The following SLC38A1 variants were observed in gnomAD, a reference collection of about 807,000 sequenced individuals.
SLC38A1 encodes the protein sodium-coupled neutral amino acid symporter 1.
SLC38A1 carries 18 observed loss-of-function variants against 60.3 expected under a neutral mutation model. The ratio of observed to expected loss-of-function variants is 0.30; its 90% confidence interval spans 0.21 to 0.44. The LOEUF is 0.44. Among genes scored for constraint, SLC38A1 ranks in the 20% least tolerant of loss-of-function variants. The probability of loss-of-function intolerance (pLI) is 1.00; values close to 1 mark genes in which losing one functional copy is unlikely to be tolerated. For synonymous variants in SLC38A1, 196 were observed against 212.1 expected (o/e 0.92, Z 0.66); for missense variants, 448 against 587.2 (o/e 0.76, Z 2.45).
intron 3 of SLC38A1, among the ~76,000 whole-genome samples, chr12:46,229,987 T>G (rs1941010828): frequency 6.6e-6 from 1 of 152,298 alleles, no homozygotes; most frequent in South Asian, 2.1e-4. Flanking sequence ...CAGCTATACA[T>G]TTTGAATCAT....
chr12:46,230,404 T>A (rs949195256), intron 3 of SLC38A1, among the ~76,000 whole-genome samples: 4 of 152,180 alleles, frequency 2.6e-5, no homozygotes, highest in Non-Finnish European at 5.9e-5. Context: ...ACTTAGAACT[T>A]GAATTCAAAT....
intron 13 of SLC38A1, 41 bp from the exon 14 acceptor site, chr12:46,198,784 A>G (rs756298896): frequency 8.1e-7 from 1 of 1,240,452 alleles, no homozygotes; most frequent in Non-Finnish European, 1.2e-6. Context: ...AAAGGAGACA[A>G]AGTATATAGC....
rs1235566870 is a variant in SLC38A1, at chr12:46,198,709, C to T, written c.1038G>A (p.Gln346=). 1.2e-6 allele frequency: 2 copies of T among 1,612,916 alleles called. No individual in the cohort carries two copies. Among genetic ancestry groups the T allele is most frequent in the Non-Finnish European group, 1.7e-6 (2 of 1,179,532 alleles). Residue 346 remains glutamine, a synonymous_variant, in exon 14 of 17, where the codon CAG becomes CAA. Coordinates refer to ENST00000398637, the MANE Select transcript of SLC38A1 (RefSeq NM_030674.4). ...TCAGGATGAGAATGTCATCTTTACTCTGATATTTGTGAAGGAGGTCGGACT... is the reference window on the plus strand; with the variant it reads ...TCAGGATGAGAATGTCATCTTTACTTTGATATTTGTGAAGGAGGTCGGACT... ...NVQSDLLHKY[Q]SKDDILILTV...
At chr12:46,215,513 G>T (rs1940368151) in intron 5 of SLC38A1, among the ~76,000 whole-genome samples, 1 of 152,036 alleles carries the variant, frequency 6.6e-6, no homozygotes, top group Admixed American at 6.6e-5. Flanking sequence ...CCAGGTTCAA[G>T]TGATTCTCCT....
chr12:46,202,908 C>A (rs753392514), intron 12 of SLC38A1, 102 bp downstream of exon 12: 2 of 748,750 alleles, frequency 2.7e-6, no homozygotes, highest in South Asian at 1.8e-5. Context: ...GTGATGAATC[C>A]GCTGACGTTC....
At chr12:46,191,267 C>T (rs551715552) in intron 16 of SLC38A1, among the ~76,000 whole-genome samples, 3 of 152,068 alleles carry the variant, frequency 2.0e-5, no homozygotes, top group African/African-American at 7.2e-5. Context: ...AATTCTGAGG[C>T]CTCTGTTCTG....
At chr12:46,193,615 C>T (rs1052550156) in intron 16 of SLC38A1, among the ~76,000 whole-genome samples, 24 of 152,138 alleles carry the variant, frequency 1.6e-4, no homozygotes, top group African/African-American at 5.3e-4. Context: ...CTGGGTGCTC[C>T]TGTATTGGGT....
chr12:46,212,341 A>G (rs1459586974), intron 5 of SLC38A1, among the ~76,000 whole-genome samples: 2 of 152,384 alleles, frequency 1.3e-5, no homozygotes, highest in East Asian at 3.9e-4. Context: ...TCATCTGGAT[A>G]TAATTTAAGC....
intron 1 of SLC38A1, among the ~76,000 whole-genome samples, chr12:46,261,566 G>GAAAAC (rs1029120517): frequency 6.6e-6 from 1 of 152,092 alleles, no homozygotes; most frequent in Non-Finnish European, 1.5e-5. Flanking sequence ...TCTTCCCATG[G>GAAAAC]AAAACAAAAC....
intron 5 of SLC38A1, among the ~76,000 whole-genome samples, chr12:46,210,791 G>T (rs1940129011): frequency 6.6e-6 from 1 of 152,148 alleles, no homozygotes; most frequent in African/African-American, 2.4e-5. Flanking sequence ...CGCCATAATT[G>T]TGAGGCCTCC....
chr12:46,189,926 C>A (rs997479097), intron 16 of SLC38A1, among the ~76,000 whole-genome samples: 1 of 151,838 alleles, frequency 6.6e-6, no homozygotes, highest in African/African-American at 2.4e-5. Context: ...TATAAATTAC[C>A]CTGTCTCAGG....
chr12:46,189,176 T>C (rs1939039320), intron 16 of SLC38A1, 105 bp from the exon 17 acceptor site: 1 of 745,910 alleles, frequency 1.3e-6, no homozygotes, highest in Non-Finnish European at 2.3e-6. Flanking sequence ...TTGTGTCCTC[T>C]GGTATTCAGA....
Position 46,188,406 on chromosome 12 carries a change from G to A in SLC38A1, c.*564C>T, listed in dbSNP as rs1565744025. 1 of 152,652 alleles carries A rather than the reference G, an allele frequency of 6.6e-6. No homozygotes were observed. The highest frequency in any genetic ancestry group is 1.5e-5 in the Non-Finnish European group (1 of 68,144). The allele number at this position is 152,652 out of a possible 1,614,324, so 9.5% of individuals were successfully genotyped here. A position where few individuals can be genotyped will look rare whatever the true frequency, so the allele number is the denominator to read the frequency against. On this transcript the variant is annotated 3_prime_UTR_variant, in exon 17 of 17. Coordinates refer to ENST00000398637, the MANE Select transcript of SLC38A1 (RefSeq NM_030674.4). ...GAAATCAGAGCCACCTCAAATATTG[G>A]GCATGCTCTGATTCAGCAGTGGCAG...
Position 46,183,531 on chromosome 12 carries a change from T to A in SLC38A1, c.*5439A>T, listed in dbSNP as rs917639785. 9.2e-5 allele frequency: 14 copies of A among 152,190 alleles called. No individual in the cohort carries two copies. The highest frequency in any genetic ancestry group is 7.2e-4 in the Admixed American group (11 of 15,268). 9.4% of individuals were successfully genotyped at this position (152,190 alleles called of 1,614,324 possible). ...GGTTCCCTCTCCCCGCTTTCATAGATCCCAAAGTTTGAGAAATGCAGCAAT... is the reference window on the plus strand; with the variant it reads ...GGTTCCCTCTCCCCGCTTTCATAGAACCCAAAGTTTGAGAAATGCAGCAAT... On this transcript the variant is annotated 3_prime_UTR_variant, in exon 17 of 17. Transcript: ENST00000398637.
chr12:46,227,243 T>G (rs1386686193), intron 5 of SLC38A1, among the ~76,000 whole-genome samples: 1 of 152,184 alleles, frequency 6.6e-6, no homozygotes, highest in East Asian at 1.9e-4. Context: ...ATAAAAATAT[T>G]TTTCAGAAAT....
At chr12:46,224,296 A>G (rs1409352700) in intron 5 of SLC38A1, among the ~76,000 whole-genome samples, 1 of 152,120 alleles carries the variant, frequency 6.6e-6, no homozygotes, top group Non-Finnish European at 1.5e-5. Context: ...TGATAAATCG[A>G]GAGTGCCCAC....
intron 5 of SLC38A1, among the ~76,000 whole-genome samples, chr12:46,223,970 C>T (rs1940764751): frequency 6.6e-6 from 1 of 152,178 alleles, no homozygotes; most frequent in South Asian, 2.1e-4. Flanking sequence ...AAAATGTATG[C>T]CTTTAATAGA....
intron 2 of SLC38A1, among the ~76,000 whole-genome samples, chr12:46,240,439 G>A (rs1001550519): frequency 2.6e-5 from 4 of 152,176 alleles, no homozygotes; most frequent in South Asian, 2.1e-4. Context: ...CAGGTGATCC[G>A]CCCTCCTCAG....
chr12:46,199,290 T>A (rs534561376), intron 13 of SLC38A1, among the ~76,000 whole-genome samples: 13 of 147,694 alleles, frequency 8.8e-5, no homozygotes, highest in African/African-American at 3.3e-4. Context: ...AAAAAAAAAA[T>A]TAGTTTATGT....
Sources: allele counts gnomAD v4.1 joint callset (sites outside exome capture counted in the v4.1 genomes callset), GRCh38; gene constraint gnomAD v4.1.1; transcripts MANE v1.5; gene names NCBI Gene and HGNC (gene_info 2026-07-23, HGNC 2026-07-21).